The following CNKSR2 variants were observed in gnomAD, a reference collection of about 807,000 sequenced individuals.
CNKSR2 encodes the protein CNK homolog protein 2.
A neutral mutation model predicts 84.4 loss-of-function variants in CNKSR2; 14 were observed. That is an observed-to-expected ratio of 0.17 (90% CI 0.11 to 0.26). CNKSR2 has a LOEUF of 0.26. CNKSR2 is among the 10% of genes least tolerant of loss of function. CNKSR2 has a pLI of 1.00. For missense variants in CNKSR2, 485 were observed against 771.2 expected, an observed-to-expected ratio of 0.63 and a Z score of 4.40; for synonymous variants, 275 against 277.9, an observed-to-expected ratio of 0.99 and a Z score of 0.10.
intron 9 of CNKSR2, among the ~76,000 whole-genome samples, chrX:21,518,786 A>C (rs2091754249): frequency 8.9e-6 from 1 of 111,760 alleles, no homozygotes; most frequent in South Asian, 3.6e-4. Flanking sequence ...TCGCTTATTC[A>C]GCTATGCTGC....
In CNKSR2 at chrX:21,470,763, C is replaced by T. The variant is rs2091187615; in HGVS notation, c.520-3C>T. 1.0e-6 allele frequency: 1 copy of T among 963,700 alleles called. No individual in the cohort carries two copies. The highest frequency in any genetic ancestry group is 1.4e-6 in the Non-Finnish European group (1 of 709,305). The allele number at this position is 963,700 out of a possible 1,213,427, so 79.4% of individuals were successfully genotyped here. A position where few individuals can be genotyped will look rare whatever the true frequency, so the allele number is the denominator to read the frequency against. On this transcript the variant is annotated splice_region_variant and splice_polypyrimidine_tract_variant and intron_variant, in intron 4 of 21. Coordinates refer to ENST00000379510, the MANE Select transcript of CNKSR2 (RefSeq NM_014927.5). ...TCTAATGTATATGGTTCTTTTTTTTCAGGATTGTACTGTATATGAAACAGA... is the reference window on the plus strand; with the variant it reads ...TCTAATGTATATGGTTCTTTTTTTTTAGGATTGTACTGTATATGAAACAGA...
At chrX:21,433,653 TACACACACAC>T (rs56377458) in intron 3 of CNKSR2, among the ~76,000 whole-genome samples, 13 of 87,552 alleles carry the variant, frequency 1.5e-4, no homozygotes, top group African/African-American at 2.9e-4. Flanking sequence ...TATGTGTTCC[TACACACACAC>T]ACACACACAC....
intron 11 of CNKSR2, among the ~76,000 whole-genome samples, chrX:21,559,543 G>A (rs1031121788): frequency 9.0e-6 from 1 of 111,280 alleles, no homozygotes; most frequent in Non-Finnish European, 1.9e-5. Context: ...ACAAAGGGTC[G>A]GTCTGAGGAC....
At chrX:21,423,079 G>T in intron 1 of CNKSR2, among the ~76,000 whole-genome samples, 1 of 111,427 alleles carries the variant, frequency 9.0e-6, no homozygotes, top group Admixed American at 9.5e-5. Context: ...AATGCCTTTT[G>T]ATGCAAAGCA....
At chrX:21,453,779 C>G (rs765511755) in intron 4 of CNKSR2, among the ~76,000 whole-genome samples, 8 of 111,532 alleles carry the variant, frequency 7.2e-5, no homozygotes, top group Non-Finnish European at 1.3e-4. Context: ...CCTCAGGAAA[C>G]TCACAATCAT....
intron 5 of CNKSR2, among the ~76,000 whole-genome samples, chrX:21,474,665 A>AGTGG (rs1383346371): frequency 9.0e-6 from 1 of 111,496 alleles, no homozygotes; most frequent in Non-Finnish European, 1.9e-5. Flanking sequence ...TGGAGAAAAA[A>AGTGG]GTGGGCTGAG....
At chrX:21,487,726 G>T (rs1164988366) in intron 5 of CNKSR2, among the ~76,000 whole-genome samples, 2 of 112,033 alleles carry the variant, frequency 1.8e-5, no homozygotes, top group African/African-American at 3.2e-5. Context: ...AATTTGAACC[G>T]CAGCCAGTTT....
intron 1 of CNKSR2, among the ~76,000 whole-genome samples, chrX:21,421,295 T>G (rs924744112): frequency 2.7e-5 from 3 of 109,960 alleles, no homozygotes; most frequent in Non-Finnish European, 5.7e-5. Context: ...TGGTTTTTTT[T>G]TTTTTTTTTT....
At chrX:21,382,992 C>T (rs1051691639) in intron 1 of CNKSR2, among the ~76,000 whole-genome samples, 1 of 111,755 alleles carries the variant, frequency 8.9e-6, no homozygotes, top group African/African-American at 3.2e-5. Flanking sequence ...TAGTAGGCAA[C>T]TTACCAAAAT....
chrX:21,578,532 G>A (rs1321511201), intron 13 of CNKSR2, among the ~76,000 whole-genome samples: 1 of 102,716 alleles, frequency 9.7e-6, no homozygotes, highest in Non-Finnish European at 2.0e-5. Flanking sequence ...GTAAAAAGAG[G>A]ATAAGACTAC....
chrX:21,523,432 A>G (rs1362281457), intron 9 of CNKSR2, among the ~76,000 whole-genome samples: 1 of 111,340 alleles, frequency 9.0e-6, no homozygotes, highest in Admixed American at 9.5e-5. Context: ...TCAATACCGG[A>G]GAAGGTCAAA....
chrX:21,420,460 T>G (rs1293930110), intron 1 of CNKSR2, among the ~76,000 whole-genome samples: 4 of 112,205 alleles, frequency 3.6e-5, no homozygotes, highest in African/African-American at 9.7e-5. Flanking sequence ...TCTGCTTTTT[T>G]GAAGCAGAAG....
chrX:21,607,461 A>G (rs1450135852), intron 19 of CNKSR2, among the ~76,000 whole-genome samples: 1 of 111,344 alleles, frequency 9.0e-6, no homozygotes, highest in East Asian at 2.8e-4. Context: ...GCCCTTTCCC[A>G]TCAGAATTAC....
At chrX:21,551,802 A>G (rs6633421) in intron 11 of CNKSR2, among the ~76,000 whole-genome samples, 11,746 of 111,683 alleles carry the variant, frequency 0.11, 586 homozygotes, top group East Asian at 0.29. Context: ...CAATTTACAA[A>G]TAAATTGAAT....
intron 18 of CNKSR2, among the ~76,000 whole-genome samples, chrX:21,602,642 C>G (rs1174693577): frequency 9.0e-6 from 1 of 110,653 alleles, no homozygotes; most frequent in African/African-American, 3.3e-5. Context: ...GTTGCATAGG[C>G]CTAAATTTAT....
At chrX:21,433,363 A>G (rs776251505) in intron 3 of CNKSR2, among the ~76,000 whole-genome samples, 1 of 111,593 alleles carries the variant, frequency 9.0e-6, no homozygotes, top group Middle Eastern at 4.6e-3. Flanking sequence ...TTTGGAACAC[A>G]TAAAATAGTA....
chrX:21,526,996 C>A lies in CNKSR2; in HGVS notation c.1087C>A (p.Pro363Thr), dbSNP rs1315482597. ...IPPPPAEPYI[P>T]RDEKGNLPCE... ...CCCTCCTCCTGCAGAACCATATATT[C>A]CCAGGTATAAAACTATCACGTTGTC... The change falls in exon 10 of 22, where the codon CCC (proline) becomes ACC (threonine). Residue 363 changes from proline to threonine, a missense_variant. By Grantham distance (38) the Pro-to-Thr change is conservative (BLOSUM62 -1). This residue lies in a region of CNKSR2 where 132 missense variants were observed against 166.7 expected (regional missense o/e 0.79). Coordinates refer to ENST00000379510, the MANE Select transcript of CNKSR2 (RefSeq NM_014927.5). The A allele has an allele frequency of 8.3e-7, 1 of 1,204,761 alleles. No individual in the cohort carries two copies. The highest frequency in any genetic ancestry group is 1.8e-5 in the South Asian group (1 of 56,561).
intron 6 of CNKSR2, chrX:21,495,783 CAAAAAAAAAAAAAAAAAAAAAAAAAA>C (rs55689293): frequency 4.3e-4 from 3 of 6,961 alleles, no homozygotes; most frequent in East Asian, 3.1e-3. Context: ...AGCTCCGTCT[CAAAAAAAAAAAAAAAAAAAAAAAAAA>C]AAAAAAAAAA....
chrX:21,603,593 T>G (rs1397318911), intron 18 of CNKSR2, among the ~76,000 whole-genome samples: 1 of 112,536 alleles, frequency 8.9e-6, no homozygotes, highest in Admixed American at 9.4e-5. Flanking sequence ...TGTCTTTGAT[T>G]ACAGAAGTAT....
Sources: gnomAD v4.1 joint callset for allele counts (sites outside exome capture counted in the v4.1 genomes callset) on GRCh38, gnomAD v4.1.1 for gene constraint, gnomAD v4.1.1 regional missense constraint, MANE v1.5 for transcripts, NCBI Gene and HGNC (gene_info 2026-07-23, HGNC 2026-07-21) for gene names.